SCN10A: variants seen among roughly 807,000 people sequenced by gnomAD.
SCN10A encodes sodium channel protein type 10 subunit alpha.
In SCN10A, 162 loss-of-function variants were observed where a neutral mutation model predicts 170.7. The observed-to-expected ratio is 0.95, with a 90% CI of 0.84 to 1.08. The LOEUF is 1.08. Ranked by LOEUF, SCN10A falls within the 50% of genes least tolerant of loss-of-function variation. The pLI, the probability that SCN10A is intolerant of heterozygous loss-of-function variation, is 0.00. For synonymous variants in SCN10A, 985 were observed against 904.6 expected (o/e 1.09, Z -1.59); for missense variants, 2,527 against 2,436.9 (o/e 1.04, Z -0.78).
Position 38,803,849 on chromosome 3 carries a change from A to G in SCN10A, c.-32-9807T>C, listed in dbSNP as rs534040535. ...CCATTACTTCTCTCCCTCAAATCTC[A>G]CATCCAGTCTCTCAGAAAACTCTGA... On this transcript the variant is annotated intron_variant, in intron 1 of 27. Coordinates refer to ENST00000449082, the MANE Select transcript of SCN10A (RefSeq NM_006514.4). Among the ~76,000 whole-genome samples the G allele has an allele frequency of 2.6e-5, 4 of 152,190 alleles. No homozygotes were observed. In the South Asian group the frequency reaches 8.3e-4, roughly 32 times the overall value.
intron 1 of SCN10A, among the ~76,000 whole-genome samples, chr3:38,813,940 T>C (rs1457405952): frequency 2.0e-5 from 3 of 152,210 alleles, no homozygotes; most frequent in African/African-American, 7.2e-5. Flanking sequence ...TTTTATTCAG[T>C]AAGCACTTAC....
intron 4 of SCN10A, among the ~76,000 whole-genome samples, chr3:38,772,189 C>T (rs1384368017): frequency 3.3e-5 from 5 of 152,050 alleles, no homozygotes; most frequent in Admixed American, 6.5e-5. Flanking sequence ...TTCTGCTCCT[C>T]GTTAAGTTTC....
At chr3:38,713,440 A>G (rs781289127) in intron 22 of SCN10A, among the ~76,000 whole-genome samples, 9 of 152,156 alleles carry the variant, frequency 5.9e-5, no homozygotes, top group Non-Finnish European at 1.2e-4. Flanking sequence ...ATGATTCAGG[A>G]TTACTTCACT....
intron 15 of SCN10A, among the ~76,000 whole-genome samples, chr3:38,732,238 T>C (rs143031301): frequency 7.0e-4 from 107 of 152,356 alleles, no homozygotes; most frequent in Admixed American, 1.6e-3. Flanking sequence ...GTCATGTTAG[T>C]GGGTTCTGTC....
At chr3:38,808,257 CT>C in intron 1 of SCN10A, among the ~76,000 whole-genome samples, 2 of 152,144 alleles carry the variant, frequency 1.3e-5, no homozygotes, top group Non-Finnish European at 2.9e-5. Context: ...TTTTCTCTCT[CT>C]CTCAGCAATG....
intron 1 of SCN10A, among the ~76,000 whole-genome samples, chr3:38,802,117 C>T (rs551730439): frequency 1.4e-4 from 22 of 152,212 alleles, no homozygotes; most frequent in Admixed American, 1.2e-3. Context: ...CTCAAATCTT[C>T]CTCCCTTGTG....
chr3:38,719,367 CTTTTTTTTTTTTTTTTTTTTTTTTTTTT>C (rs555646896), intron 20 of SCN10A, among the ~76,000 whole-genome samples: 4 of 69,130 alleles, frequency 5.8e-5, no homozygotes, highest in Non-Finnish European at 1.1e-4. Context: ...GGCTGCCACT[CTTTTTTTTTTTTTTTTTTTTTTTTTTTT>C]TTTTTTTTTT....
At chr3:38,747,472 G>T (rs1197637836) in intron 13 of SCN10A, among the ~76,000 whole-genome samples, 1 of 152,110 alleles carries the variant, frequency 6.6e-6, no homozygotes, top group Non-Finnish European at 1.5e-5. Context: ...TAAGCATTTT[G>T]CTTGACCTGA....
intron 4 of SCN10A, among the ~76,000 whole-genome samples, chr3:38,788,231 A>G (rs932721135): frequency 1.0e-4 from 15 of 150,476 alleles, no homozygotes; most frequent in African/African-American, 3.6e-4. Context: ...AAAAAAAAAA[A>G]AAAAAAAAGA....
intron 13 of SCN10A, among the ~76,000 whole-genome samples, chr3:38,748,068 A>C (rs1057367933): frequency 1.3e-5 from 2 of 152,222 alleles, no homozygotes; most frequent in African/African-American, 4.8e-5. Context: ...AAATGAAAGA[A>C]GAGAGAAGGA....
chr3:38,787,044 TAA>T (rs2064213646), intron 4 of SCN10A, among the ~76,000 whole-genome samples: 1 of 152,170 alleles, frequency 6.6e-6, no homozygotes, highest in Admixed American at 6.6e-5. Context: ...ATTTAAAGTT[TAA>T]AGTTTGTCAA....
At chr3:38,714,160 C>T (rs1259206941) in intron 21 of SCN10A, 80 bp from the exon 22 acceptor site, 4 of 1,545,502 alleles carry the variant, frequency 2.6e-6, no homozygotes, top group South Asian at 1.2e-5. Context: ...GAACTCCCTG[C>T]CCAGCCTCCC....
rs1319444376 is a variant in SCN10A, at chr3:38,742,549, A to AT, written c.1868-21dup. On this transcript the variant is annotated intron_variant, in intron 13 of 27. Coordinates refer to ENST00000449082, the MANE Select transcript of SCN10A (RefSeq NM_006514.4). Reference sequence around the variant, plus strand: ...CGAGTTCTGCATTATAGTGTGGTCAATGACAGCTGTCAGCCATGTGTCACC... The same window carrying AT: ...CGAGTTCTGCATTATAGTGTGGTCAATTGACAGCTGTCAGCCATGTGTCACC... 1 of 1,595,322 alleles carries AT rather than the reference A, an allele frequency of 6.3e-7. No homozygotes were observed. The highest frequency in any genetic ancestry group is 2.2e-5 in the East Asian group (1 of 44,764).
At chr3:38,756,653 A>C in intron 10 of SCN10A, 21 bp downstream of exon 10, 1 of 1,603,604 alleles carries the variant, frequency 6.2e-7, no homozygotes, top group Non-Finnish European at 8.5e-7. Context: ...CTTCTTCACA[A>C]AGCTTCCACT....
chr3:38,801,076 G>A (rs1232622512), intron 1 of SCN10A, among the ~76,000 whole-genome samples: 1 of 152,128 alleles, frequency 6.6e-6, no homozygotes, highest in Non-Finnish European at 1.5e-5. Context: ...GTGACAGTGA[G>A]GGTCTCCCTG....
chr3:38,698,630 ATGACACTC>A (rs2063124674), intron 27 of SCN10A, 68 bp from the exon 28 acceptor site: 4 of 1,469,694 alleles, frequency 2.7e-6, no homozygotes, highest in Non-Finnish European at 3.8e-6. Flanking sequence ...GTTGGCTGTG[ATGACACTC>A]TGCTTTGCTT....
Position 38,726,766 on chromosome 3 carries a change from G to A in SCN10A, c.2927C>T (p.Ala976Val). The A allele has an allele frequency of 6.2e-7, 1 of 1,611,702 alleles. No individual in the cohort carries two copies. Among genetic ancestry groups the A allele is most frequent in the Non-Finnish European group, 8.5e-7 (1 of 1,177,962 alleles). Residue 976 changes from alanine to valine, a missense_variant, in exon 17 of 28, where the codon GCT becomes GTT. By Grantham distance (64) the Ala-to-Val change is moderately conservative. Coordinates refer to ENST00000449082, the MANE Select transcript of SCN10A (RefSeq NM_006514.4). ...GTGCTCATCCCTGGGGCCTCTGGGA[G>A]CTTGGAGCCCTCCAGAGCTCCCCCT... The part of the protein sequence containing the change: ...TARGSSGGLQ[A>V]PRGPRDEHSD...
chr3:38,705,270 G>A (rs1038232069), intron 26 of SCN10A, among the ~76,000 whole-genome samples: 3 of 152,012 alleles, frequency 2.0e-5, no homozygotes. Flanking sequence ...GAATATTAAG[G>A]GGAGAGCCAC....
chr3:38,756,966 G>T, intron 9 of SCN10A, 52 bp downstream of exon 9: 1 of 1,604,522 alleles, frequency 6.2e-7, no homozygotes, highest in Admixed American at 1.7e-5. Flanking sequence ...CAGCCATGCA[G>T]CTGACCCACC....
Sources: gnomAD v4.1 joint callset for allele counts (sites outside exome capture counted in the v4.1 genomes callset) on GRCh38, gnomAD v4.1.1 for gene constraint, MANE v1.5 for transcripts, NCBI Gene and HGNC (gene_info 2026-07-23, HGNC 2026-07-21) for gene names.